Variants in SNAI2 observed in about 807,000 individuals in gnomAD.
SNAI2 encodes the protein zinc finger protein SNAI2.
In SNAI2, 2 loss-of-function variants were observed where a neutral mutation model predicts 22.4. The observed-to-expected ratio is 0.09, with a 90% CI of 0.04 to 0.28. The LOEUF is 0.28. Ranked by LOEUF, SNAI2 falls within the 10% of genes least tolerant of loss-of-function variation. The pLI, the probability that SNAI2 is intolerant of heterozygous loss-of-function variation, is 1.00. For missense variants in SNAI2, 239 were observed against 320.8 expected (o/e 0.75, Z 1.95); for synonymous variants, 134 against 123.0 (o/e 1.09, Z -0.59).
Position 48,918,608 on chromosome 8 carries a change from G to T in SNAI2, c.*199C>A. 1 of 584,446 alleles carries T rather than the reference G, an allele frequency of 1.7e-6. No homozygotes were observed. The highest frequency in any genetic ancestry group is 3.0e-6 in the Non-Finnish European group (1 of 329,460). 36.2% of individuals were successfully genotyped at this position (584,446 alleles called of 1,614,324 possible). A position where few individuals can be genotyped will look rare whatever the true frequency, so the allele number is the denominator to read the frequency against. On this transcript the variant is annotated 3_prime_UTR_variant, in exon 3 of 3. Transcript: ENST00000020945. ...GTAATTTTAAACTTCACATGGAAAG[G>T]ATTATCTTTAAACACATGAATTCCA...
intron 2 of SNAI2, 144 bp downstream of exon 2, chr8:48,919,752 C>A (rs1465380672): frequency 1.1e-6 from 1 of 891,332 alleles, no homozygotes; most frequent in Non-Finnish European, 1.8e-6. Flanking sequence ...TGTGCCCTAA[C>A]AACTTTTTGA....
chr8:48,919,019 A>G, intron 2 of SNAI2, 31 bp from the exon 3 acceptor site: 3 of 1,601,320 alleles, frequency 1.9e-6, no homozygotes, highest in Non-Finnish European at 2.6e-6. Flanking sequence ...AAAAAGAAAG[A>G]CAGTCAGTGT....
chr8:48,918,761 G>A lies in SNAI2; in HGVS notation c.*46C>T, dbSNP rs781072755. 1.3e-5 allele frequency: 21 copies of A among 1,605,086 alleles called. No homozygotes were observed. In the East Asian group the frequency reaches 3.3e-4, roughly 26 times the overall value. On this transcript the variant is annotated 3_prime_UTR_variant, in exon 3 of 3. Coordinates refer to ENST00000020945, the MANE Select transcript of SNAI2 (RefSeq NM_003068.5). ...TGGACTTTATTTGTCATTTGGCTTC[G>A]GAGTGAAGAAATGCATTCTGTTCGA...
chr8:48,919,434 C>A lies in SNAI2; in HGVS notation c.626-446G>T, dbSNP rs561027773. On this transcript the variant is annotated intron_variant, in intron 2 of 2. Transcript: ENST00000020945. ...AGGAGCAAAAAATCCCCAAACAAAG[C>A]AAGAGAGGCAAAGTAAATTTAGTTT... is the stretch of plus-strand genomic sequence containing the variant. Among the ~76,000 whole-genome samples the A allele has an allele frequency of 1.1e-4, 16 of 152,308 alleles. No individual in the cohort carries two copies. In the South Asian group the frequency reaches 3.3e-3, roughly 32 times the overall value.
chr8:48,919,217 A>G (rs1186826805), intron 2 of SNAI2, among the ~76,000 whole-genome samples: 3 of 152,248 alleles, frequency 2.0e-5, no homozygotes, highest in Non-Finnish European at 4.4e-5. Context: ...GCTGCCAATC[A>G]TACAGAAATA....
rs932444114 is a variant in SNAI2 at position 48,921,171 on chromosome 8, A to T, written c.79+16T>A. 3.8e-6 allele frequency: 6 copies of T among 1,580,540 alleles called. No homozygotes were observed. The African/African-American group carries it at 5.4e-5, about 14-fold the overall frequency. On this transcript the variant is annotated intron_variant, in intron 1 of 2. Coordinates refer to ENST00000020945, the MANE Select transcript of SNAI2 (RefSeq NM_003068.5). ...GCTCTAGATACGTAGTTCTAGATAT[A>T]TTTTTCTCTTTTTACCTGTATGTGT...
At position 48,921,188 on chromosome 8, in the gene SNAI2, T is replaced by A. The variant is rs1238344164; in HGVS notation, c.78A>T (p.Thr26=). The stretch of plus-strand genomic sequence containing the variant: ...CTAGATATATTTTTCTCTTTTTACC[T>A]GTATGTGTGTCCAGTTCGCTGTAGT... ...KPNYSELDTH[T]VIISPYLYES... is the part of the protein sequence containing the mutation. Residue 26 remains threonine (T), a splice_region_variant and synonymous_variant, in exon 1 of 3, where the codon ACA becomes ACT. Transcript: ENST00000020945. 1 of 1,608,902 alleles carries A rather than the reference T, an allele frequency of 6.2e-7. No individual in the cohort carries two copies. Among genetic ancestry groups the A allele is most frequent in the Non-Finnish European group, 8.5e-7 (1 of 1,175,570 alleles).
intron 1 of SNAI2, 93 bp downstream of exon 1, chr8:48,921,094 G>A (rs1806155175): frequency 1.1e-6 from 1 of 938,658 alleles, no homozygotes; most frequent in Non-Finnish European, 1.7e-6. Flanking sequence ...TTGAATCTTT[G>A]GCTCTTTTGT....
chr8:48,920,909 C>T (rs1193347201), intron 1 of SNAI2, among the ~76,000 whole-genome samples: 2 of 152,166 alleles, frequency 1.3e-5, no homozygotes, highest in Non-Finnish European at 2.9e-5. Context: ...TTATGTTGCT[C>T]ATCTTTCACA....
At position 48,919,089 on chromosome 8, in the gene SNAI2, T is replaced by C. The variant is rs776179445; in HGVS notation, c.626-101A>G. ...AAAAGTCAATCACATTTTGCTTAAA[T>C]AATGAGAAGCAGCAAAACCTGATTA... On this transcript the variant is annotated intron_variant, in intron 2 of 2. Coordinates refer to ENST00000020945, the MANE Select transcript of SNAI2 (RefSeq NM_003068.5). The C allele has an allele frequency of 4.8e-4, 568 of 1,174,616 alleles. 3 individuals are homozygous for C. Among genetic ancestry groups the C allele is most frequent in the Non-Finnish European group, 1.2e-4 (100 of 816,024 alleles). 72.8% of individuals were successfully genotyped at this position (1,174,616 alleles called of 1,614,324 possible).
At chr8:48,919,770 G>T in intron 2 of SNAI2, 126 bp downstream of exon 2, 1 of 1,036,768 alleles carries the variant, frequency 9.6e-7, no homozygotes, top group Non-Finnish European at 1.5e-6. Flanking sequence ...TGAGTAGTCA[G>T]GAAGTAGCTA....
rs367909953 is a variant in SNAI2 at position 48,920,322 on chromosome 8, C to A, written c.199G>T (p.Ala67Ser). 41 of 1,611,076 alleles carry A rather than the reference C, an allele frequency of 2.5e-5. No homozygotes were observed. Among genetic ancestry groups the A allele is most frequent in the Non-Finnish European group, 3.3e-5 (39 of 1,178,036 alleles). The change falls in exon 2 of 3, where the codon GCC (alanine) becomes TCC (serine). Residue 67 changes from alanine to serine, a missense_variant. Ala to Ser is a moderately conservative substitution (Grantham distance 99, BLOSUM62 1). Around this residue, in one of 3 missense-constraint regions of SNAI2, gnomAD observed 183 missense variants for 190.4 expected, o/e 0.96. Transcript: ENST00000020945. Reference protein sequence around the residue: ...TVWTTAAPFHAQLPNGLSPLS... With the variant: ...TVWTTAAPFHSQLPNGLSPLS... Reference sequence around the variant, plus strand: ...GGAGAGAGGCCATTGGGTAGCTGGGCGTGGAATGGAGCAGCGGTAGTCCAC... The same window carrying A: ...GGAGAGAGGCCATTGGGTAGCTGGGAGTGGAATGGAGCAGCGGTAGTCCAC...
At chr8:48,919,793 C>T in intron 2 of SNAI2, 103 bp downstream of exon 2, 1 of 1,193,422 alleles carries the variant, frequency 8.4e-7, no homozygotes, top group African/African-American at 1.5e-5. Flanking sequence ...AATGACTGTC[C>T]ATCATTAAAA....
In SNAI2 at chr8:48,921,282, G is replaced by A. The variant is rs373989408; in HGVS notation, c.-17C>T. On this transcript the variant is annotated 5_prime_UTR_variant, in exon 1 of 3. Coordinates refer to ENST00000020945, the MANE Select transcript of SNAI2 (RefSeq NM_003068.5). ...GCGCGGCATCTTGCCAGCGGGTCTG[G>A]CGGGCGCCCGGCGCGGATAACGGTC... 8.6e-5 allele frequency: 138 copies of A among 1,608,100 alleles called. 1 individual carries two copies. The African/African-American group carries it at 1.7e-3, about 19-fold the overall frequency.
chr8:48,919,735 AGCACTTTGT>A (rs1806133716), intron 2 of SNAI2, among the ~76,000 whole-genome samples, 152 bp downstream of exon 2: 1 of 152,234 alleles, frequency 6.6e-6, no homozygotes, highest in Non-Finnish European at 1.5e-5. Flanking sequence ...CAAGAAATGG[AGCACTTTGT>A]GCCCTAACAA....
Position 48,917,965 on chromosome 8 carries a change from T to C in SNAI2, c.*842A>G, listed in dbSNP as rs990002524. 6.6e-6 allele frequency: 1 copy of C among 152,128 alleles called. No homozygotes were observed. The highest frequency in any genetic ancestry group is 1.5e-5 in the Non-Finnish European group (1 of 68,006). 9.4% of individuals were successfully genotyped at this position (152,128 alleles called of 1,614,324 possible). On this transcript the variant is annotated 3_prime_UTR_variant, in exon 3 of 3. Coordinates refer to ENST00000020945, the MANE Select transcript of SNAI2 (RefSeq NM_003068.5). ...TCAACTATACAATTTAAAAAGGCAC[T>C]TGGAAGGGGTATTGTATTATTGCAT...
rs968278375 is a variant in SNAI2, at chr8:48,921,366, C to A, written c.-101G>T. On this transcript the variant is annotated 5_prime_UTR_variant, in exon 1 of 3. Transcript: ENST00000020945. ...CGGCGGGCCAGGCTCGGGCAGGGGC[C>A]GTGCTCAGGTGCGGCAGACGGACGG... 11 of 911,104 alleles carry A rather than the reference C, an allele frequency of 1.2e-5. No individual in the cohort carries two copies. Among genetic ancestry groups the A allele is most frequent in the African/African-American group, 1.6e-5 (1 of 61,632 alleles). The allele number at this position is 911,104 out of a possible 1,614,324, so 56.4% of individuals were successfully genotyped here. A position where few individuals can be genotyped will look rare whatever the true frequency, so the allele number is the denominator to read the frequency against.
chr8:48,920,317 C>A lies in SNAI2; in HGVS notation c.204G>T (p.Gln68His). 2 of 1,611,670 alleles carry A rather than the reference C, an allele frequency of 1.2e-6. No individual in the cohort carries two copies. The highest frequency in any genetic ancestry group is 1.7e-6 in the Non-Finnish European group (2 of 1,178,266). The part of the protein sequence containing the change: ...VWTTAAPFHA[Q>H]LPNGLSPLSG... ...AAAGAGGAGAGAGGCCATTGGGTAG[C>A]TGGGCGTGGAATGGAGCAGCGGTAG... is the stretch of plus-strand genomic sequence containing the variant. The change falls in exon 2 of 3, where the codon CAG becomes CAT. Residue 68 changes from glutamine to histidine, a missense_variant. Around this residue, in one of 3 missense-constraint regions of SNAI2, gnomAD observed 183 missense variants for 190.4 expected, o/e 0.96. Transcript: ENST00000020945.
intron 1 of SNAI2, 63 bp downstream of exon 1, chr8:48,921,124 T>C (rs1806155555): frequency 8.6e-7 from 1 of 1,158,390 alleles, no homozygotes; most frequent in African/African-American, 1.5e-5. Flanking sequence ...TGAAGGGTAA[T>C]ACGTAGATTC....
Sources: allele counts gnomAD v4.1 joint callset (sites outside exome capture counted in the v4.1 genomes callset), GRCh38; gene constraint gnomAD v4.1.1; regional missense constraint gnomAD v4.1.1; transcripts MANE v1.5; gene names NCBI Gene and HGNC (gene_info 2026-07-23, HGNC 2026-07-21).